Variants in ELMO1 observed in about 807,000 individuals in gnomAD.
ELMO1 encodes the protein engulfment and cell motility 1, also known as engulfment and cell motility protein 1.
Under a neutral mutation model 98.9 loss-of-function variants are expected in ELMO1, and 26 were observed. The ratio of observed to expected loss-of-function variants is 0.26; its 90% CI spans 0.19 to 0.36. The LOEUF is 0.36. Ranked by LOEUF, ELMO1 falls within the 10% of genes least tolerant of loss-of-function variation. The pLI, the probability that ELMO1 is intolerant of heterozygous loss-of-function variation, is 1.00. For synonymous variants in ELMO1, 346 were observed against 346.0 expected (o/e 1.00, Z 0.00); for missense variants, 627 against 935.2 (o/e 0.67, Z 4.30).
chr7:37,323,909 C>G, intron 2 of ELMO1, among the ~76,000 whole-genome samples: 1 of 152,146 alleles, frequency 6.6e-6, no homozygotes, highest in East Asian at 1.9e-4. Context: ...TTCTTTCTTA[C>G]TAAACAATTC....
At chr7:37,185,341 C>A (rs1791134338) in intron 13 of ELMO1, among the ~76,000 whole-genome samples, 1 of 152,172 alleles carries the variant, frequency 6.6e-6, no homozygotes, top group African/African-American at 2.4e-5. Flanking sequence ...TTTAATATTA[C>A]TCATTCTTTC....
intron 14 of ELMO1, among the ~76,000 whole-genome samples, chr7:37,099,036 T>C (rs1242066407): frequency 1.3e-5 from 2 of 152,246 alleles, no homozygotes; most frequent in Non-Finnish European, 2.9e-5. Context: ...AGCCAATAAA[T>C]GCTTGGGAAA....
chr7:37,153,159 C>T (rs1042537332), intron 13 of ELMO1, among the ~76,000 whole-genome samples: 2 of 152,170 alleles, frequency 1.3e-5, no homozygotes, highest in Admixed American at 6.5e-5. Context: ...AATAGACTTA[C>T]GGGTCACTTC....
intron 13 of ELMO1, among the ~76,000 whole-genome samples, chr7:37,143,313 C>T (rs1429075647): frequency 6.6e-6 from 1 of 152,226 alleles, no homozygotes; most frequent in Non-Finnish European, 1.5e-5. Flanking sequence ...GATCAACAAC[C>T]CAACATTGCT....
chr7:37,414,565 G>A (rs1804132732), intron 1 of ELMO1, among the ~76,000 whole-genome samples: 1 of 152,154 alleles, frequency 6.6e-6, no homozygotes. Flanking sequence ...CTGGTGTGTT[G>A]GGGGAATCTG....
chr7:37,032,674 A>G (rs1331820232), intron 15 of ELMO1, among the ~76,000 whole-genome samples: 1 of 152,168 alleles, frequency 6.6e-6, no homozygotes, highest in African/African-American at 2.4e-5. Context: ...GGACAATCCA[A>G]CCACGACAAT....
chr7:37,309,496 T>G (rs900438257), intron 4 of ELMO1, among the ~76,000 whole-genome samples: 1 of 152,208 alleles, frequency 6.6e-6, no homozygotes, highest in African/African-American at 2.4e-5. Flanking sequence ...AGCCCAGGGC[T>G]GCTGGTGTGT....
At chr7:37,209,824 C>T (rs1008922533) in intron 13 of ELMO1, among the ~76,000 whole-genome samples, 1 of 152,114 alleles carries the variant, frequency 6.6e-6, no homozygotes, top group African/African-American at 2.4e-5. Flanking sequence ...ACCCGCTCCA[C>T]CAGTCATGAC....
intron 17 of ELMO1, among the ~76,000 whole-genome samples, chr7:36,893,554 A>C (rs1484520752): frequency 6.6e-6 from 1 of 152,218 alleles, no homozygotes; most frequent in Admixed American, 6.5e-5. Flanking sequence ...GTGCTTCTTA[A>C]GATTGGAAAA....
rs562391794 is a variant in ELMO1 at position 37,027,078 on chromosome 7, C to A, written c.1301-13643G>T. ...TGGGCCAGCACAGACACACAGCACT[C>A]TGGAAGGCTCCCCACAAGCTTCACC... is the stretch of plus-strand genomic sequence containing the variant. On this transcript the variant is annotated intron_variant, in intron 15 of 21. Coordinates refer to ENST00000310758, the MANE Select transcript of ELMO1 (RefSeq NM_014800.11). Among the ~76,000 whole-genome samples, 3 of 152,264 alleles carry A rather than the reference C, an allele frequency of 2.0e-5. 1 individual carries two copies. In the East Asian group the frequency reaches 5.8e-4, roughly 29 times the overall value.
intron 16 of ELMO1, among the ~76,000 whole-genome samples, chr7:36,989,745 A>T (rs1791748488): frequency 6.6e-6 from 1 of 152,310 alleles, no homozygotes; most frequent in East Asian, 1.9e-4. Flanking sequence ...TTATCCTACT[A>T]GGGAGGTTTA....
chr7:37,220,698 G>T lies in ELMO1; in HGVS notation c.780+1917C>A, dbSNP rs545846811. The stretch of plus-strand genomic sequence containing the variant: ...ATTTAACAAATGAACAGTAGTGTTT[G>T]GTATAAAATAAGATGCAGTAAGCAT... On this transcript the variant is annotated intron_variant, in intron 10 of 21. Transcript: ENST00000310758. Among the ~76,000 whole-genome samples, 4 of 152,244 alleles carry T rather than the reference G, an allele frequency of 2.6e-5. No homozygotes were observed. In the East Asian group the frequency reaches 5.8e-4, roughly 22 times the overall value.
intron 16 of ELMO1, among the ~76,000 whole-genome samples, chr7:36,970,194 C>T (rs1421335241): frequency 6.5e-4 from 92 of 141,260 alleles, no homozygotes; most frequent in African/African-American, 2.2e-3. Flanking sequence ...CACACACACA[C>T]ACACACACAC....
intron 1 of ELMO1, among the ~76,000 whole-genome samples, chr7:37,359,210 A>G (rs1029368102): frequency 6.6e-6 from 1 of 152,248 alleles, no homozygotes; most frequent in Non-Finnish European, 1.5e-5. Context: ...TTGCAGGACT[A>G]TCTGCTTTAC....
chr7:37,147,758 CAAGAAATCGTGCA>C (rs969186636), intron 13 of ELMO1, among the ~76,000 whole-genome samples: 3 of 144,238 alleles, frequency 2.1e-5, no homozygotes, highest in Admixed American at 1.4e-4. Flanking sequence ...TCCTGATACA[CAAGAAATCGTGCA>C]CACAAGAGTG....
In ELMO1 at chr7:36,870,544, G is replaced by C. The variant is rs1257857183; in HGVS notation, c.1823-69C>G. 2 of 1,470,890 alleles carry C rather than the reference G, an allele frequency of 1.4e-6. No homozygotes were observed. Among genetic ancestry groups the C allele is most frequent in the Non-Finnish European group, 1.9e-6 (2 of 1,065,252 alleles). 91.1% of individuals were successfully genotyped at this position (1,470,890 alleles called of 1,614,324 possible). A position where few individuals can be genotyped will look rare whatever the true frequency, so the allele number is the denominator to read the frequency against. ...AACTTTGATGTCAATAAAGAAACAG[G>C]ACTAAGCACTGGGTCCGCTACTGTG... On this transcript the variant is annotated intron_variant, in intron 19 of 21. Coordinates refer to ENST00000310758, the MANE Select transcript of ELMO1 (RefSeq NM_014800.11). This position sits in a 1 kb window ranked among gnomAD's most constrained non-coding sequence, Gnocchi z 4.4.
At chr7:37,078,711 G>A (rs1797711670) in intron 15 of ELMO1, among the ~76,000 whole-genome samples, 1 of 152,102 alleles carries the variant, frequency 6.6e-6, no homozygotes, top group Non-Finnish European at 1.5e-5. Context: ...TCATCACAGT[G>A]CTATTTCTCA....
chr7:37,117,012 GA>G (rs1563012129), intron 14 of ELMO1: 1 of 210,846 alleles, frequency 4.7e-6, no homozygotes, highest in Non-Finnish European at 1.0e-5. Flanking sequence ...GGAAGAGAGA[GA>G]AAAAAGGAGA....
chr7:36,921,538 T>C (rs990712385), intron 16 of ELMO1, among the ~76,000 whole-genome samples: 7 of 152,214 alleles, frequency 4.6e-5, no homozygotes, highest in Non-Finnish European at 8.8e-5. Flanking sequence ...GCTATTATTA[T>C]GACTACTACT....
Sources: gnomAD v4.1 joint callset for allele counts (sites outside exome capture counted in the v4.1 genomes callset) on GRCh38, gnomAD v4.1.1 for gene constraint, Gnocchi (gnomAD v3.1) non-coding constraint, MANE v1.5 for transcripts, NCBI Gene and HGNC (gene_info 2026-07-23, HGNC 2026-07-21) for gene names.